The following EML1 variants were observed in gnomAD, a reference collection of about 807,000 sequenced individuals.
The protein encoded by EML1 is EMAP like 1, also known as echinoderm microtubule-associated protein-like 1.
A neutral mutation model predicts 110.4 loss-of-function variants in EML1; 27 were observed. That is an observed-to-expected ratio of 0.24 (90% CI 0.18 to 0.34). The LOEUF is 0.34. Among genes scored for constraint, EML1 ranks in the 10% least tolerant of loss-of-function variants. The pLI is 1.00. For synonymous variants in EML1, 344 were observed against 385.8 expected, an observed-to-expected ratio of 0.89 and a Z score of 1.27; for missense variants, 741 against 1,030.9, an observed-to-expected ratio of 0.72 and a Z score of 3.85.
chr14:99,869,318 A>G (rs2059155996), intron 3 of EML1, among the ~76,000 whole-genome samples: 1 of 152,156 alleles, frequency 6.6e-6, no homozygotes, highest in African/African-American at 2.4e-5. Context: ...TATGGTGATC[A>G]GTGATCTTTG....
intron 17 of EML1, 98 bp downstream of exon 17, chr14:99,920,975 A>G (rs1201035842): frequency 8.9e-7 from 1 of 1,126,232 alleles, no homozygotes; most frequent in Non-Finnish European, 1.3e-6. Context: ...TTACATAGGT[A>G]AACGTGTGCC....
intron 1 of EML1, among the ~76,000 whole-genome samples, chr14:99,757,681 T>A (rs1251826045): frequency 6.6e-6 from 1 of 152,222 alleles, no homozygotes; most frequent in Non-Finnish European, 1.5e-5. Flanking sequence ...TTGGGTTTCA[T>A]GAGTAACATT....
intron 3 of EML1, among the ~76,000 whole-genome samples, chr14:99,872,540 T>A (rs990491082): frequency 1.3e-5 from 2 of 152,252 alleles, no homozygotes; most frequent in Admixed American, 6.5e-5. Context: ...CATATTTTTC[T>A]AGACTGAGTG....
At chr14:99,795,832 C>T (rs1296490188) in intron 1 of EML1, among the ~76,000 whole-genome samples, 1 of 152,062 alleles carries the variant, frequency 6.6e-6, no homozygotes, top group African/African-American at 2.4e-5. Context: ...TTAATAGTGA[C>T]AGAAACTAAA....
intron 4 of EML1, chr14:99,883,579 A>G (rs1302700220): frequency 6.6e-6 from 1 of 152,086 alleles, no homozygotes; most frequent in Non-Finnish European, 1.5e-5. Flanking sequence ...AAGAAACAAC[A>G]ATCACCTGCA....
At position 99,937,904 on chromosome 14, in the gene EML1, A is replaced by G; in HGVS notation, c.2183A>G (p.His728Arg). The change falls in exon 20 of 22, where the codon CAT becomes CGT. Residue 728 changes from histidine to arginine, a missense_variant. Physicochemically the swap from His to Arg is conservative, Grantham distance 29. Around this residue, in one of 4 missense-constraint regions of EML1, gnomAD observed 114 missense variants for 122.5 expected, o/e 0.93. Transcript: ENST00000262233. ...WATYTCTLGFHVFGVWPEGSD... is the reference protein window; with the variant it reads ...WATYTCTLGFRVFGVWPEGSD... ...ACCTATACCTGCACTTTGGGATTCC[A>G]TGTTTTTGGTAAGTTTGCTGCAGAT... 6.2e-7 allele frequency: 1 copy of G among 1,613,994 alleles called. No homozygotes were observed. The highest frequency in any genetic ancestry group is 8.5e-7 in the Non-Finnish European group (1 of 1,179,882).
In EML1 at chr14:99,909,347, C is replaced by G; in HGVS notation, c.1107C>G (p.Cys369Trp). The G allele has an allele frequency of 6.2e-7, 1 of 1,614,170 alleles. No individual in the cohort carries two copies. The highest frequency in any genetic ancestry group is 8.5e-7 in the Non-Finnish European group (1 of 1,180,022). ...CCGAGTCCCTGTTTTTCCTATAGTG[C>G]TCTAATGAAGCTGTGTTTGCTGCGG... is the stretch of plus-strand genomic sequence containing the variant. ...QKEEKLADVK[C>W]SNEAVFAADF... is the part of the protein sequence containing the mutation. The change falls in exon 11 of 22, where the codon TGC becomes TGG. Residue 369 changes from cysteine (C) to tryptophan (W), a missense_variant and splice_region_variant. By Grantham distance (215) the Cys-to-Trp change is radical (BLOSUM62 -2). This residue lies in a region of EML1 where 388 missense variants were observed against 605.6 expected (regional missense o/e 0.64). Transcript: ENST00000262233.
intron 1 of EML1, among the ~76,000 whole-genome samples, chr14:99,818,806 A>G (rs2058213254): frequency 6.6e-6 from 1 of 152,176 alleles, no homozygotes; most frequent in Non-Finnish European, 1.5e-5. Context: ...AAAGCAAGCC[A>G]CGGGTTTTAG....
In EML1 at chr14:99,861,134, G is replaced by A. The variant is rs1325152366; in HGVS notation, c.251-4380G>A. Among the ~76,000 whole-genome samples, 4 of 152,194 alleles carry A rather than the reference G, an allele frequency of 2.6e-5. No individual in the cohort carries two copies. In the South Asian group the frequency reaches 6.2e-4, roughly 24 times the overall value. ...GTCTGCTCTTAGAAGCAAGGCTTTCGTTACTGAAATTAAACCAAGTTACAT... is the reference window on the plus strand; with the variant it reads ...GTCTGCTCTTAGAAGCAAGGCTTTCATTACTGAAATTAAACCAAGTTACAT... On this transcript the variant is annotated intron_variant, in intron 2 of 21. Transcript: ENST00000262233.
intron 1 of EML1, among the ~76,000 whole-genome samples, chr14:99,804,982 G>A (rs2057945418): frequency 6.6e-6 from 1 of 152,098 alleles, no homozygotes. Flanking sequence ...AAGGTGCCAG[G>A]CTGTTGTGTA....
chr14:99,919,454 A>G (rs1405087336), intron 16 of EML1, among the ~76,000 whole-genome samples: 3 of 149,448 alleles, frequency 2.0e-5, no homozygotes, highest in Admixed American at 6.7e-5. Flanking sequence ...ACACACACAC[A>G]CACACACACT....
intron 1 of EML1, among the ~76,000 whole-genome samples, chr14:99,775,555 G>T (rs145214761): frequency 6.6e-6 from 1 of 152,176 alleles, no homozygotes; most frequent in Non-Finnish European, 1.5e-5. Context: ...CAGATCCCAC[G>T]CCAGCAAGGT....
At chr14:99,851,852 A>G (rs2058813290) in intron 2 of EML1, among the ~76,000 whole-genome samples, 1 of 152,150 alleles carries the variant, frequency 6.6e-6, no homozygotes, top group Admixed American at 6.5e-5. Context: ...AGGAGCTCAG[A>G]GTCCTATGTT....
At chr14:99,754,031 C>T (rs1197810918) in intron 1 of EML1, among the ~76,000 whole-genome samples, 1 of 152,226 alleles carries the variant, frequency 6.6e-6, no homozygotes, top group Non-Finnish European at 1.5e-5. Flanking sequence ...ATTGGCTCTG[C>T]TGCTGCATCA....
At position 99,827,200 on chromosome 14, in the gene EML1, T is replaced by C. The variant is rs563755216; in HGVS notation, c.68-23653T>C. 6.6e-6 allele frequency among the ~76,000 whole-genome samples: 1 copy of C among 151,874 alleles called. No homozygotes were observed. The highest frequency in any genetic ancestry group is 6.6e-5 in the Admixed American group (1 of 15,262). ...CTGGGCCCTAATCCAGTCTGGCTAG[T>C]GTCCTTATAAGAAGAGGAGATTAGT... On this transcript the variant is annotated intron_variant, in intron 1 of 21. Transcript: ENST00000262233. This position sits in a 1 kb window ranked among gnomAD's most constrained non-coding sequence, Gnocchi z 4.4.
intron 1 of EML1, among the ~76,000 whole-genome samples, chr14:99,799,817 T>C (rs2057841096): frequency 6.6e-6 from 1 of 152,174 alleles, no homozygotes; most frequent in Non-Finnish European, 1.5e-5. Context: ...AGAAATAACA[T>C]CTTTGTTTCT....
intron 1 of EML1, among the ~76,000 whole-genome samples, chr14:99,741,631 C>A (rs902077816): frequency 6.6e-6 from 1 of 151,914 alleles, no homozygotes. Context: ...TGCGCCCACC[C>A]CCCCCCAGAC....
At chr14:99,923,415 A>G (rs2060164562) in intron 17 of EML1, among the ~76,000 whole-genome samples, 2 of 152,172 alleles carry the variant, frequency 1.3e-5, no homozygotes, top group East Asian at 1.9e-4. Context: ...ATTCGAGTCT[A>G]TGATCCATTT....
intron 1 of EML1, among the ~76,000 whole-genome samples, chr14:99,822,915 G>A (rs932132888): frequency 1.3e-5 from 2 of 152,244 alleles, no homozygotes; most frequent in East Asian, 1.9e-4. Context: ...ATTTTAGCAC[G>A]CCTTCTTTTT....
Sources: gnomAD v4.1 joint callset for allele counts (sites outside exome capture counted in the v4.1 genomes callset) on GRCh38, gnomAD v4.1.1 for gene constraint, gnomAD v4.1.1 regional missense constraint, Gnocchi (gnomAD v3.1) non-coding constraint, MANE v1.5 for transcripts, NCBI Gene and HGNC (gene_info 2026-07-23, HGNC 2026-07-21) for gene names.